Variants in LILRB1 observed in about 807,000 individuals in gnomAD.
LILRB1 encodes the protein leukocyte immunoglobulin-like receptor subfamily B member 1.
A neutral mutation model predicts 74.6 loss-of-function variants in LILRB1; 59 were observed. That is an observed-to-expected ratio of 0.79 (90% CI 0.64 to 0.98). The LOEUF (loss-of-function observed/expected upper bound fraction) is 0.98, where lower values mean the gene tolerates loss of function less well. Among genes scored for constraint, LILRB1 ranks in the 50% least tolerant of loss-of-function variants. The probability of loss-of-function intolerance (pLI) is 0.00; values close to 1 mark genes in which losing one functional copy is unlikely to be tolerated. For missense variants in LILRB1, 804 were observed against 822.6 expected (o/e 0.98, Z 0.28); for synonymous variants, 328 against 333.9 (o/e 0.98, Z 0.19).
At chr19:54,630,742 C>A in intron 1 of LILRB1, 109 bp downstream of exon 1, 3 of 667,984 alleles carry the variant, frequency 4.5e-6, no homozygotes, top group Non-Finnish European at 7.9e-6. Context: ...TCAGGAAGGG[C>A]AGACACAGGA....
At position 54,620,122 on chromosome 19, in the gene LILRB1, T is replaced by A. The variant is rs73063845; in HGVS notation, c.-166+2773T>A. Among the ~76,000 whole-genome samples the A allele has an allele frequency of 8.6e-3, 1,298 of 151,448 alleles. 6 individuals are homozygous for A. The highest frequency in any genetic ancestry group is 0.032 in the South Asian group (151 of 4,790). ...GAGTTGCTTTAAAATGAAGAAAAAA[T>A]TACGGAGATAAAACTAAATAAAAAG... On this transcript the variant is annotated intron_variant, in intron 1 of 15. Transcript: ENST00000396331.
At position 54,635,184 on chromosome 19, in the gene LILRB1, T is replaced by C; in HGVS notation, c.1562+5T>C. The C allele has an allele frequency of 1.3e-6, 2 of 1,598,028 alleles. No individual in the cohort carries two copies. Among genetic ancestry groups the C allele is most frequent in the Non-Finnish European group, 8.6e-7 (1 of 1,168,330 alleles). On this transcript the variant is annotated splice_donor_5th_base_variant and intron_variant, in intron 11 of 14. Transcript: ENST00000324602. The stretch of plus-strand genomic sequence containing the variant: ...AGACAGAGGCCTGCAGTGGAGGTAA[T>C]TCTGCCCGAAGACCCCAGACTCCCA...
In LILRB1 at chr19:54,636,952, T is replaced by C. The variant is rs111542900; in HGVS notation, c.*74T>C. On this transcript the variant is annotated 3_prime_UTR_variant, in exon 15 of 15. Coordinates refer to ENST00000324602, the MANE Select transcript of LILRB1 (RefSeq NM_001081637.3). ...GGAGCTGCCCCCCCAGTGGACACCA[T>C]TGGACCCCACCCAGCCTGGATCTAC... is the stretch of plus-strand genomic sequence containing the variant. The C allele has an allele frequency of 0.056, 89,142 of 1,581,450 alleles. 2,742 individuals are homozygous for C. Among genetic ancestry groups the C allele is most frequent in the Non-Finnish European group, 0.062 (72,108 of 1,156,816 alleles).
chr19:54,619,215 G>GTAGTGAATT (rs1424523651), intron 1 of LILRB1, among the ~76,000 whole-genome samples: 4 of 152,126 alleles, frequency 2.6e-5, no homozygotes, highest in Non-Finnish European at 5.9e-5. Flanking sequence ...AAAGTCTTAT[G>GTAGTGAATT]TAGTGAATTT....
rs1240637053 is a variant in LILRB1 at position 54,633,794 on chromosome 19, G to A, written c.1312+106G>A. On this transcript the variant is annotated intron_variant, in intron 8 of 14. Transcript: ENST00000324602. ...CCTCAAAGACTCGAGCTTCCCTCCA[G>A]GGAGCCGGGCAGAGCCAGAGGAGGG... is the stretch of plus-strand genomic sequence containing the variant. 6.7e-6 allele frequency: 10 copies of A among 1,482,650 alleles called. No homozygotes were observed. In the East Asian group the frequency reaches 2.2e-4, roughly 33 times the overall value. 91.8% of individuals were successfully genotyped at this position (1,482,650 alleles called of 1,614,324 possible). A position where few individuals can be genotyped will look rare whatever the true frequency, so the allele number is the denominator to read the frequency against.
Position 54,633,151 on chromosome 19 carries a change from A to T in LILRB1, c.1094A>T (p.Asp365Val). The T allele has an allele frequency of 6.9e-7, 1 of 1,458,322 alleles. No individual in the cohort carries two copies. Among genetic ancestry groups the T allele is most frequent in the Non-Finnish European group, 9.3e-7 (1 of 1,074,838 alleles). 90.3% of individuals were successfully genotyped at this position (1,458,322 alleles called of 1,614,324 possible). ...CTGACCAAGGAGGGGGCAGCTGATG[A>T]CCCATGGCGTCTAAGATCAACGTAC... ...FLLTKEGAAD[D>V]PWRLRSTYQS... is the part of the protein sequence containing the mutation. The change falls in exon 7 of 15, where the codon GAC becomes GTC. Residue 365 changes from aspartate (D) to valine (V), a missense_variant. Asp to Val is a radical substitution (Grantham distance 152). Transcript: ENST00000324602.
Position 54,632,569 on chromosome 19 carries a change from T to C in LILRB1, c.767T>C (p.Val256Ala), listed in dbSNP as rs1268823400. The C allele has an allele frequency of 2.7e-5, 43 of 1,614,108 alleles. No homozygotes were observed. Among genetic ancestry groups the C allele is most frequent in the Non-Finnish European group, 3.6e-5 (43 of 1,180,006 alleles). Residue 256 changes from valine (V) to alanine (A), a missense_variant, in exon 6 of 15, where the codon GTT (valine) becomes GCT (alanine). Transcript: ENST00000324602. ...TCTGATGCTGGCTACAACAGATTTG[T>C]TCTGTATAAGGACGGGGAACGTGAC... Reference protein sequence around the residue: ...CGSDAGYNRFVLYKDGERDFL... With the variant: ...CGSDAGYNRFALYKDGERDFL...
Position 54,631,624 on chromosome 19 carries a change from A to G in LILRB1, c.195A>G (p.Lys65=), listed in dbSNP as rs1056580700. The G allele has an allele frequency of 1.2e-6, 2 of 1,614,162 alleles. No homozygotes were observed. The highest frequency in any genetic ancestry group is 1.3e-5 in the African/African-American group (1 of 74,960). ...AGTACCGTCTATATAGAGAAAAGAA[A>G]ACAGCACCCTGGATTACACGGATCC... ...TQEYRLYREK[K]TAPWITRIPQ... Residue 65 remains lysine, a synonymous_variant, in exon 4 of 15, where the codon AAA becomes AAG. Coordinates refer to ENST00000324602, the MANE Select transcript of LILRB1 (RefSeq NM_001081637.3).
rs780608164 is a variant in LILRB1, at chr19:54,631,598, G to C, written c.169G>C (p.Glu57Gln). The C allele has an allele frequency of 6.2e-7, 1 of 1,614,252 alleles. No individual in the cohort carries two copies. The highest frequency in any genetic ancestry group is 1.1e-5 in the South Asian group (1 of 91,092). The change falls in exon 4 of 15, where the codon GAG (glutamate) becomes CAG (glutamine). Residue 57 changes from glutamate (E) to glutamine (Q), a missense_variant. Transcript: ENST00000324602. ...GTGTCAGGGGGGCCAGGAGACCCAGGAGTACCGTCTATATAGAGAAAAGAA... is the reference window on the plus strand; with the variant it reads ...GTGTCAGGGGGGCCAGGAGACCCAGCAGTACCGTCTATATAGAGAAAAGAA... Reference protein sequence around the residue: ...LRCQGGQETQEYRLYREKKTA... With the variant: ...LRCQGGQETQQYRLYREKKTA...
chr19:54,637,085 G>C lies in LILRB1; in HGVS notation c.*207G>C. ...AACAGACTTCTCAATAATCAATGAAGTAGCTGAGAAAACTAAGTCAGAAAG... is the reference window on the plus strand; with the variant it reads ...AACAGACTTCTCAATAATCAATGAACTAGCTGAGAAAACTAAGTCAGAAAG... On this transcript the variant is annotated 3_prime_UTR_variant, in exon 15 of 15. Transcript: ENST00000324602. 1.7e-6 allele frequency: 1 copy of C among 586,030 alleles called. No individual in the cohort carries two copies. The highest frequency in any genetic ancestry group is 2.9e-6 in the Non-Finnish European group (1 of 341,480). The allele number at this position is 586,030 out of a possible 1,614,324, so 36.3% of individuals were successfully genotyped here.
chr19:54,636,766 A>G lies in LILRB1; in HGVS notation c.1847A>G (p.Tyr616Cys), dbSNP rs1160201254. The G allele has an allele frequency of 1.9e-6, 3 of 1,606,464 alleles. No homozygotes were observed. The highest frequency in any genetic ancestry group is 2.5e-6 in the Non-Finnish European group (3 of 1,178,324). ...AASEAPQDVT[Y>C]AQLHSLTLRR... ...TCTGAAGCCCCCCAGGATGTGACCTACGCCCAGCTGCACAGCTTGACCCTC... is the reference window on the plus strand; with the variant it reads ...TCTGAAGCCCCCCAGGATGTGACCTGCGCCCAGCTGCACAGCTTGACCCTC... Residue 616 changes from tyrosine to cysteine, a missense_variant, in exon 15 of 15, where the codon TAC becomes TGC. Physicochemically the swap from Tyr to Cys is radical, Grantham distance 194 (BLOSUM62 -2). Coordinates refer to ENST00000324602, the MANE Select transcript of LILRB1 (RefSeq NM_001081637.3).
Position 54,637,576 on chromosome 19 carries a change from A to G in LILRB1, c.*698A>G, listed in dbSNP as rs1043157142. 10 of 151,958 alleles carry G rather than the reference A, an allele frequency of 6.6e-5. No homozygotes were observed. Among genetic ancestry groups the G allele is most frequent in the African/African-American group, 2.4e-4 (10 of 41,410 alleles). 9.4% of individuals were successfully genotyped at this position (151,958 alleles called of 1,614,324 possible). A position where few individuals can be genotyped will look rare whatever the true frequency, so the allele number is the denominator to read the frequency against. On this transcript the variant is annotated 3_prime_UTR_variant, in exon 15 of 15. Transcript: ENST00000324602. ...GAAAAAGAGAAAAAAGAAATTTAGA[A>G]GAATAACAAGTTATTCCAAATGAAG...
rs375960582 is a variant in LILRB1 at position 54,632,182 on chromosome 19, G to A, written c.606G>A (p.Ser202=). Residue 202 remains serine (S), a synonymous_variant, in exon 5 of 15, where the codon TCG becomes TCA. Coordinates refer to ENST00000324602, the MANE Select transcript of LILRB1 (RefSeq NM_001081637.3). ...RWWYRCYAYD[S]NSPYEWSLPS... ...GGTACAGGTGCTATGCTTATGACTC[G>A]AACTCTCCCTATGAGTGGTCTCTAC... The A allele has an allele frequency of 1.4e-4, 227 of 1,613,904 alleles. No homozygotes were observed. The highest frequency in any genetic ancestry group is 3.3e-4 in the Middle Eastern group (2 of 6,084).
Position 54,634,710 on chromosome 19 carries a change from T to G in LILRB1, c.1433T>G (p.Leu478Arg), listed in dbSNP as rs749196069. 1.2e-6 allele frequency: 2 copies of G among 1,613,784 alleles called. No individual in the cohort carries two copies. Among genetic ancestry groups the G allele is most frequent in the East Asian group, 4.5e-5 (2 of 44,854 alleles). The change falls in exon 10 of 15, where the codon CTC (leucine) becomes CGC (arginine). Residue 478 changes from leucine (L) to arginine (R), a missense_variant. By Grantham distance (102) the Leu-to-Arg change is moderately radical. Transcript: ENST00000324602. ...VAVILLLLLL[L>R]LLFLILRHRR... is the part of the protein sequence containing the mutation. ...GTCATCCTACTGCTCCTCCTCCTCCTCCTCCTCTTCCTCATCCTCCGACAT... is the reference window on the plus strand; with the variant it reads ...GTCATCCTACTGCTCCTCCTCCTCCGCCTCCTCTTCCTCATCCTCCGACAT...
Position 54,634,141 on chromosome 19 carries a change from C to T in LILRB1, c.1363+120C>T, listed in dbSNP as rs1406258634. 15 of 1,530,346 alleles carry T rather than the reference C, an allele frequency of 9.8e-6. No homozygotes were observed. In the East Asian group the frequency reaches 3.4e-4, roughly 35 times the overall value. 94.8% of individuals were successfully genotyped at this position (1,530,346 alleles called of 1,614,324 possible). A position where few individuals can be genotyped will look rare whatever the true frequency, so the allele number is the denominator to read the frequency against. ...TAGACAGGCTCCTCCCCTGCTTGGG[C>T]CTCAGTTTCTCCAAATGTAAAGGTG... On this transcript the variant is annotated intron_variant, in intron 9 of 14. Transcript: ENST00000324602.
At position 54,632,639 on chromosome 19, in the gene LILRB1, G is replaced by A. The variant is rs773202249; in HGVS notation, c.837G>A (p.Gln279=). 2.5e-6 allele frequency: 4 copies of A among 1,613,910 alleles called. No individual in the cohort carries two copies. In the East Asian group the frequency reaches 6.7e-5, roughly 27 times the overall value. Residue 279 remains glutamine, a synonymous_variant, in exon 6 of 15, where the codon CAG becomes CAA. Transcript: ENST00000324602. ...CACAGCCCCAGGCTGGGCTCTCCCA[G>A]GCCAACTTCACCCTGGGCCCTGTGA... ...AGAQPQAGLS[Q]ANFTLGPVSR... is the part of the protein sequence containing the mutation.
In LILRB1 at chr19:54,632,746, A is replaced by G. The variant is rs934158944; in HGVS notation, c.944A>G (p.Asp315Gly). Residue 315 changes from aspartate (D) to glycine (G), a missense_variant, in exon 6 of 15, where the codon GAC becomes GGC. Transcript: ENST00000324602. ...SEWSAPSDPL[D>G]ILIAGQFYDR... Reference sequence around the variant, plus strand: ...TGGTCGGCCCCCAGCGACCCCCTGGACATCCTGATCGCAGGTGAGGAGCCC... The same window carrying G: ...TGGTCGGCCCCCAGCGACCCCCTGGGCATCCTGATCGCAGGTGAGGAGCCC... 36 of 1,611,998 alleles carry G rather than the reference A, an allele frequency of 2.2e-5. No homozygotes were observed. Among genetic ancestry groups the G allele is most frequent in the Admixed American group, 3.3e-5 (2 of 59,994 alleles).
intron 9 of LILRB1, chr19:54,634,403 G>A (rs1251615332): frequency 6.5e-7 from 1 of 1,534,492 alleles, no homozygotes; most frequent in East Asian, 2.4e-5. Context: ...AGGGCTGCAG[G>A]TCAGACTCCT....
At chr19:54,632,429 G>T (rs746024265) in intron 5 of LILRB1, 35 bp from the exon 6 acceptor site, 31 of 1,570,416 alleles carry the variant, frequency 2.0e-5, no homozygotes, top group Non-Finnish European at 2.7e-5. Flanking sequence ...AAGCCTGAGG[G>T]TCGGCTCCTG....
Sources: allele counts gnomAD v4.1 joint callset (sites outside exome capture counted in the v4.1 genomes callset), GRCh38; gene constraint gnomAD v4.1.1; transcripts MANE v1.5; gene names NCBI Gene and HGNC (gene_info 2026-07-23, HGNC 2026-07-21).